ALAD: variants seen among roughly 807,000 people sequenced by gnomAD.
The protein encoded by ALAD is aminolevulinate dehydratase, also known as delta-aminolevulinic acid dehydratase.
A neutral mutation model predicts 44.4 loss-of-function variants in ALAD; 20 were observed. The ratio of observed to expected loss-of-function variants is 0.45; its 90% CI spans 0.32 to 0.65. The LOEUF is 0.65. Ranked by LOEUF, ALAD falls within the 30% of genes least tolerant of loss-of-function variation. The probability of loss-of-function intolerance (pLI) is 0.05; values close to 1 mark genes in which losing one functional copy is unlikely to be tolerated. For missense variants in ALAD, 323 were observed against 445.7 expected (o/e 0.72, Z 2.48); for synonymous variants, 156 against 167.9 (o/e 0.93, Z 0.55).
At chr9:113,393,272 G>A (rs899281579) in intron 2 of ALAD, 175 bp downstream of exon 2, 3 of 642,088 alleles carry the variant, frequency 4.7e-6, no homozygotes, top group Non-Finnish European at 5.6e-6. Flanking sequence ...AGTTTGTTTT[G>A]TTCCTAAGAT....
intron 1 of ALAD, chr9:113,397,414 TG>T (rs1827758546): frequency 6.6e-6 from 1 of 152,064 alleles, no homozygotes; most frequent in Non-Finnish European, 1.5e-5. Context: ...CTTGGTAGGG[TG>T]GGGTTATCAC....
At chr9:113,400,719 G>A (rs747133159) in intron 1 of ALAD, among the ~76,000 whole-genome samples, 21 of 152,248 alleles carry the variant, frequency 1.4e-4, no homozygotes, top group Admixed American at 7.8e-4. Flanking sequence ...CTAGTTGGCA[G>A]GCTGAGGCAG....
chr9:113,390,664 T>G lies in ALAD; in HGVS notation c.410A>C (p.Glu137Ala), dbSNP rs1332486760. Reference sequence around the variant, plus strand: ...CTCCTCAGCCCGGAATGCTCCGTTTTCACTCAGGAGCCCTTCAGGACAGAT... The same window carrying G: ...CTCCTCAGCCCGGAATGCTCCGTTTGCACTCAGGAGCCCTTCAGGACAGAT... ...TSHGHCGLLSENGAFRAEESR... is the reference protein window; with the variant it reads ...TSHGHCGLLSANGAFRAEESR... Residue 137 changes from glutamate (E) to alanine (A), a missense_variant, in exon 6 of 12, where the codon GAA becomes GCA. Physicochemically the swap from Glu to Ala is moderately radical, Grantham distance 107. Transcript: ENST00000409155. 1 of 1,614,048 alleles carries G rather than the reference T, an allele frequency of 6.2e-7. No individual in the cohort carries two copies.
chr9:113,394,794 A>G (rs1323537561), intron 1 of ALAD, among the ~76,000 whole-genome samples: 9 of 151,822 alleles, frequency 5.9e-5, no homozygotes, highest in Admixed American at 5.2e-4. Context: ...GCTCACACCT[A>G]TAATCTCAGC....
At chr9:113,393,390 C>G in intron 2 of ALAD, 57 bp downstream of exon 2, 1 of 1,410,560 alleles carries the variant, frequency 7.1e-7, no homozygotes, top group Non-Finnish European at 9.9e-7. Context: ...AACACTCCCT[C>G]CCCAACCCCA....
In ALAD at chr9:113,389,632, G is replaced by C. The variant is rs1373806733; in HGVS notation, c.681C>G (p.Pro227=). 2 of 1,614,064 alleles carry C rather than the reference G, an allele frequency of 1.2e-6. No individual in the cohort carries two copies. The highest frequency in any genetic ancestry group is 1.7e-6 in the Non-Finnish European group (2 of 1,180,046). ...AFGDRRCYQL[P]PGARGLALRA... ...GGAGAGCCAGGCCTCGTGCTCCAGG[G>C]GGCAGCTGGTAGCAGCGGCGGTCCC... The change falls in exon 9 of 12, where the codon CCC becomes CCG. Residue 227 remains proline (P), a synonymous_variant. Coordinates refer to ENST00000409155, the MANE Select transcript of ALAD (RefSeq NM_000031.6).
chr9:113,389,144 G>C, intron 10 of ALAD, 38 bp from the exon 11 acceptor site: 1 of 1,613,054 alleles, frequency 6.2e-7, no homozygotes, highest in Non-Finnish European at 8.5e-7. Flanking sequence ...CTGAAATGGA[G>C]GGTGGATGTG....
In ALAD at chr9:113,386,840, G is replaced by C. The variant is rs1199585277; in HGVS notation, c.*1460C>G. On this transcript the variant is annotated 3_prime_UTR_variant, in exon 12 of 12. Transcript: ENST00000409155. ...CTCCCTCCACCCCGACCCTGCTTCT[G>C]TTCCTCTTCCAGGCTGCCCCATCTC... 6.6e-6 allele frequency: 1 copy of C among 152,080 alleles called. No individual in the cohort carries two copies. The highest frequency in any genetic ancestry group is 2.4e-5 in the African/African-American group (1 of 41,412). The allele number at this position is 152,080 out of a possible 1,614,324, so 9.4% of individuals were successfully genotyped here.
At chr9:113,391,431 TG>T in intron 4 of ALAD, 95 bp downstream of exon 4, 1 of 1,069,510 alleles carries the variant, frequency 9.4e-7, no homozygotes, top group Non-Finnish European at 1.4e-6. Context: ...CTCAAAATCC[TG>T]GGCTCAAGTG....
rs1180184793 is a variant in ALAD at position 113,388,948 on chromosome 9, G to C, written c.931+29C>G. The C allele has an allele frequency of 2.5e-6, 4 of 1,613,560 alleles. No individual in the cohort carries two copies. In the African/African-American group the frequency reaches 4.0e-5, roughly 16 times the overall value. ...GTGCTTATCAGTCCCTGTGGCGCAG[G>C]TCAAAACACCCCACCCTTGCCTGCC... On this transcript the variant is annotated intron_variant, in intron 11 of 11. Coordinates refer to ENST00000409155, the MANE Select transcript of ALAD (RefSeq NM_000031.6).
chr9:113,400,015 A>C (rs1293623693), intron 1 of ALAD, among the ~76,000 whole-genome samples: 2 of 152,254 alleles, frequency 1.3e-5, no homozygotes, highest in Admixed American at 6.5e-5. Context: ...ACAGGGATTA[A>C]AGAGAAGAAT....
chr9:113,389,940 G>C, intron 7 of ALAD, 112 bp from the exon 8 acceptor site: 15 of 1,335,518 alleles, frequency 1.1e-5, no homozygotes, highest in Non-Finnish European at 1.6e-5. Flanking sequence ...CTGTGTTCTG[G>C]TCCTGTTGGA....
chr9:113,394,122 AGAGATG>A (rs1384062509), intron 1 of ALAD, among the ~76,000 whole-genome samples: 1 of 151,594 alleles, frequency 6.6e-6, no homozygotes, highest in Non-Finnish European at 1.5e-5. Flanking sequence ...AATTTTTTGT[AGAGATG>A]GAGGTCTTGC....
intron 5 of ALAD, 49 bp from the exon 6 acceptor site, chr9:113,390,725 G>T: frequency 6.2e-7 from 1 of 1,603,418 alleles, no homozygotes; most frequent in South Asian, 1.1e-5. Flanking sequence ...GCCCTGGCCT[G>T]TCCCCACCCT....
At chr9:113,390,211 G>A (rs1397834261) in intron 7 of ALAD, among the ~76,000 whole-genome samples, 194 bp downstream of exon 7, 1 of 152,102 alleles carries the variant, frequency 6.6e-6, no homozygotes, top group Non-Finnish European at 1.5e-5. Flanking sequence ...TAGTAGAGAT[G>A]GGGTTTCACC....
chr9:113,390,113 G>A (rs917209980), intron 7 of ALAD, among the ~76,000 whole-genome samples: 6 of 151,968 alleles, frequency 3.9e-5, no homozygotes, highest in African/African-American at 1.2e-4. Context: ...TCACTGCCTC[G>A]TGGGTTCAAG....
chr9:113,390,759 G>A, intron 5 of ALAD, 39 bp downstream of exon 5: 2 of 1,599,410 alleles, frequency 1.3e-6, no homozygotes, highest in African/African-American at 1.3e-5. Flanking sequence ...CAGTAGGAGT[G>A]TGGGTGGCAG....
At position 113,387,466 on chromosome 9, in the gene ALAD, T is replaced by TG; in HGVS notation, c.*833_*834insC. ...GACCCCTTCTTTCCTTCAAAGCACT[T>TG]ATCACAATTTGTAACTGCTTTATTT... On this transcript the variant is annotated 3_prime_UTR_variant, in exon 12 of 12. Transcript: ENST00000409155. The TG allele has an allele frequency of 6.6e-6, 1 of 152,378 alleles. No homozygotes were observed. Among genetic ancestry groups the TG allele is most frequent in the Admixed American group, 6.5e-5 (1 of 15,300 alleles). 9.4% of individuals were successfully genotyped at this position (152,378 alleles called of 1,614,324 possible).
intron 1 of ALAD, among the ~76,000 whole-genome samples, chr9:113,399,401 A>T (rs2119015349): frequency 6.6e-6 from 1 of 152,276 alleles, no homozygotes; most frequent in South Asian, 2.1e-4. Flanking sequence ...TGGGAATATG[A>T]GCTCAAACCC....
Sources: gnomAD v4.1 joint callset for allele counts (sites outside exome capture counted in the v4.1 genomes callset) on GRCh38, gnomAD v4.1.1 for gene constraint, MANE v1.5 for transcripts, NCBI Gene and HGNC (gene_info 2026-07-23, HGNC 2026-07-21) for gene names.